UNC13C: variants seen among roughly 807,000 people sequenced by gnomAD.
The protein encoded by UNC13C is unc-13 homolog C.
In UNC13C, 174 loss-of-function variants were observed where a neutral mutation model predicts 245.4. The observed-to-expected ratio is 0.71, with a 90% CI of 0.63 to 0.80. The LOEUF is 0.80. Among genes scored for constraint, UNC13C ranks in the 30% least tolerant of loss-of-function variants. The pLI, the probability that UNC13C is intolerant of heterozygous loss-of-function variation, is 0.00. For synonymous variants in UNC13C, 992 were observed against 895.1 expected (o/e 1.11, Z -1.93); for missense variants, 2,829 against 2,602.9 (o/e 1.09, Z -1.89).
At chr15:54,230,886 A>G (rs534636943) in intron 4 of UNC13C, among the ~76,000 whole-genome samples, 1 of 152,206 alleles carries the variant, frequency 6.6e-6, no homozygotes, top group South Asian at 2.1e-4. Context: ...GTTAATTAAA[A>G]TATTAATAAA....
chr15:54,140,791 C>A (rs1292235243), intron 2 of UNC13C, among the ~76,000 whole-genome samples: 2 of 151,818 alleles, frequency 1.3e-5, no homozygotes, highest in Non-Finnish European at 2.9e-5. Flanking sequence ...ATTTTATGTT[C>A]TTTCATGAGG....
intron 18 of UNC13C, among the ~76,000 whole-genome samples, chr15:54,398,672 C>G (rs1172308383): frequency 1.3e-5 from 2 of 151,162 alleles, no homozygotes; most frequent in African/African-American, 2.4e-5. Context: ...AATAGGTAAC[C>G]TAAATTTAGG....
chr15:54,174,836 T>C (rs1468147522), intron 4 of UNC13C, among the ~76,000 whole-genome samples: 1 of 152,226 alleles, frequency 6.6e-6, no homozygotes, highest in Non-Finnish European at 1.5e-5. Flanking sequence ...TTAAAGCAGG[T>C]AAGAATGGAG....
At chr15:54,409,521 C>A (rs1218893109) in intron 18 of UNC13C, among the ~76,000 whole-genome samples, 3 of 152,038 alleles carry the variant, frequency 2.0e-5, no homozygotes, top group Non-Finnish European at 2.9e-5. Flanking sequence ...TAGATCCGTA[C>A]TCTCCTCCCA....
chr15:53,842,900 T>TTATATATATA, the UNC13C span, among the ~76,000 whole-genome samples: 1 of 145,946 alleles, frequency 6.9e-6, no homozygotes, highest in Admixed American at 6.9e-5. Context: ...ATTTTAAGTT[T>TTATATATATA]TATATATATA....
At chr15:54,059,169 A>G (rs1053108807) in intron 2 of UNC13C, among the ~76,000 whole-genome samples, 3 of 151,512 alleles carry the variant, frequency 2.0e-5, no homozygotes, top group Non-Finnish European at 2.9e-5. Flanking sequence ...GAAGAAGTCA[A>G]ATTGTCCCTG....
At chr15:54,113,537 G>A (rs1216114668) in intron 2 of UNC13C, among the ~76,000 whole-genome samples, 1 of 152,146 alleles carries the variant, frequency 6.6e-6, no homozygotes, top group African/African-American at 2.4e-5. Context: ...GTTAAGTTCT[G>A]CAGGTTGCTT....
At chr15:54,221,227 AT>A (rs1207587728) in intron 4 of UNC13C, among the ~76,000 whole-genome samples, 1 of 152,076 alleles carries the variant, frequency 6.6e-6, no homozygotes, top group Non-Finnish European at 1.5e-5. Flanking sequence ...TAGTGTCATA[AT>A]TTAATTATTT....
intron 2 of UNC13C, among the ~76,000 whole-genome samples, chr15:54,119,416 C>T (rs575421259): frequency 2.6e-5 from 4 of 151,990 alleles, no homozygotes; most frequent in Non-Finnish European, 4.4e-5. Flanking sequence ...TTTGGAACAC[C>T]GCATACTGTG....
chr15:53,872,026 G>C, the UNC13C span, among the ~76,000 whole-genome samples: 1 of 152,198 alleles, frequency 6.6e-6, no homozygotes, highest in Non-Finnish European at 1.5e-5. Flanking sequence ...AACCTGCAGA[G>C]AGCAACTATT....
At chr15:54,255,563 G>A (rs1318017753) in intron 8 of UNC13C, among the ~76,000 whole-genome samples, 2 of 152,130 alleles carry the variant, frequency 1.3e-5, no homozygotes, top group South Asian at 2.1e-4. Context: ...ATGTCCAGCC[G>A]CCTGTGTGTT....
intron 1 of UNC13C, among the ~76,000 whole-genome samples, chr15:53,991,990 A>G (rs1046451041): frequency 1.3e-5 from 2 of 152,020 alleles, no homozygotes; most frequent in Admixed American, 1.3e-4. Context: ...TATATAGTAT[A>G]TTCACTCTAG....
At chr15:54,007,262 A>G (rs981165747) in intron 1 of UNC13C, among the ~76,000 whole-genome samples, 9 of 152,208 alleles carry the variant, frequency 5.9e-5, no homozygotes, top group African/African-American at 2.2e-4. Flanking sequence ...AGGAGCAGTT[A>G]AGACTAAGGT....
At chr15:54,520,532 T>C (rs531987181) in intron 24 of UNC13C, among the ~76,000 whole-genome samples, 1 of 152,198 alleles carries the variant, frequency 6.6e-6, no homozygotes, top group South Asian at 2.1e-4. Context: ...ATTGAAGCCA[T>C]GGGCATGAAT....
chr15:54,223,507 A>G (rs2035287828), intron 4 of UNC13C, among the ~76,000 whole-genome samples: 1 of 151,938 alleles, frequency 6.6e-6, no homozygotes, highest in Non-Finnish European at 1.5e-5. Flanking sequence ...CTGTAGAATA[A>G]TTGGAAGTCA....
intron 24 of UNC13C, among the ~76,000 whole-genome samples, chr15:54,514,032 A>G (rs1393145234): frequency 6.6e-6 from 1 of 152,210 alleles, no homozygotes; most frequent in Non-Finnish European, 1.5e-5. Flanking sequence ...CCCAGAAAAT[A>G]GAAGCTTAAT....
chr15:53,962,340 C>A, the UNC13C span, among the ~76,000 whole-genome samples: 1 of 152,074 alleles, frequency 6.6e-6, no homozygotes, highest in Non-Finnish European at 1.5e-5. Context: ...CACTAATTTG[C>A]TAACCATGTT....
At chr15:53,990,843 A>T (rs1264332130) in intron 1 of UNC13C, among the ~76,000 whole-genome samples, 1 of 152,062 alleles carries the variant, frequency 6.6e-6, no homozygotes, top group African/African-American at 2.4e-5. Flanking sequence ...TGCCAAGTCT[A>T]AAGTGGCCAG....
intron 2 of UNC13C, among the ~76,000 whole-genome samples, chr15:54,076,532 G>A (rs1037303856): frequency 1.3e-5 from 2 of 151,866 alleles, no homozygotes; most frequent in Non-Finnish European, 2.9e-5. Flanking sequence ...TATAAATGTG[G>A]GAAACATTCA....
Sources: allele counts gnomAD v4.1 joint callset (sites outside exome capture counted in the v4.1 genomes callset), GRCh38; gene constraint gnomAD v4.1.1; transcripts MANE v1.5; gene names NCBI Gene and HGNC (gene_info 2026-07-23, HGNC 2026-07-21).